GBE1: variants seen among roughly 807,000 people sequenced by gnomAD.
GBE1 encodes the protein 1,4-alpha-glucan branching enzyme 1.
Under a neutral mutation model 88.8 loss-of-function variants are expected in GBE1, and 70 were observed. The ratio of observed to expected loss-of-function variants is 0.79; its 90% CI spans 0.65 to 0.96. The LOEUF (loss-of-function observed/expected upper bound fraction) is 0.96, where lower values mean the gene tolerates loss of function less well. Ranked by LOEUF, GBE1 falls within the 40% of genes least tolerant of loss-of-function variation. GBE1 has a pLI of 0.00. For missense variants in GBE1, 872 were observed against 871.0 expected, an observed-to-expected ratio of 1.00 and a Z score of -0.01; for synonymous variants, 284 against 300.1, an observed-to-expected ratio of 0.95 and a Z score of 0.56.
chr3:81,492,520 C>A (rs886810048), intron 15 of GBE1, among the ~76,000 whole-genome samples: 3 of 152,010 alleles, frequency 2.0e-5, no homozygotes, highest in Admixed American at 1.3e-4. Context: ...CTCCCTACAT[C>A]TTAGCAAAAC....
intron 1 of GBE1, among the ~76,000 whole-genome samples, chr3:81,746,562 A>C (rs528535477): frequency 6.6e-6 from 1 of 152,348 alleles, no homozygotes; most frequent in African/African-American, 2.4e-5. Context: ...CATCTGGCCA[A>C]GAAATGAAAT....
At chr3:81,559,799 T>C (rs1294366702) in intron 12 of GBE1, among the ~76,000 whole-genome samples, 2 of 152,024 alleles carry the variant, frequency 1.3e-5, no homozygotes, top group African/African-American at 4.8e-5. Context: ...CATCAAACTC[T>C]CTTTAGAAGC....
intron 1 of GBE1, among the ~76,000 whole-genome samples, chr3:81,717,960 TTTA>T (rs1380936736): frequency 7.1e-5 from 3 of 42,354 alleles, no homozygotes; most frequent in African/African-American, 2.0e-4. Context: ...TTTTATTTTA[TTTA>T]TTTATTTATT....
At chr3:81,664,078 A>C (rs1159656317) in intron 3 of GBE1, among the ~76,000 whole-genome samples, 1 of 152,182 alleles carries the variant, frequency 6.6e-6, no homozygotes, top group African/African-American at 2.4e-5. Flanking sequence ...TTTATTTTTT[A>C]TAAGCAGAGT....
intron 2 of GBE1, 150 bp downstream of exon 2, chr3:81,705,294 C>T: frequency 1.8e-6 from 1 of 571,016 alleles, no homozygotes; most frequent in Non-Finnish European, 2.9e-6. Flanking sequence ...ATACAAAGAG[C>T]TTAATAAATT....
chr3:81,647,546 C>T (rs1213401249), intron 5 of GBE1, among the ~76,000 whole-genome samples: 1 of 151,940 alleles, frequency 6.6e-6, no homozygotes, highest in Non-Finnish European at 1.5e-5. Context: ...CTAAGAAAAA[C>T]AGGTTTTTCT....
At chr3:81,635,420 T>C (rs1293492019) in intron 7 of GBE1, among the ~76,000 whole-genome samples, 4 of 152,188 alleles carry the variant, frequency 2.6e-5, no homozygotes, top group East Asian at 3.9e-4. Context: ...ATTACTTATA[T>C]ATGGATGCTT....
intron 2 of GBE1, among the ~76,000 whole-genome samples, chr3:81,702,087 G>GAA (rs1400923485): frequency 4.6e-5 from 1 of 21,506 alleles, no homozygotes; most frequent in African/African-American, 2.6e-4. Context: ...TCCCTGGAGA[G>GAA]AGAGAGAGAG....
intron 1 of GBE1, among the ~76,000 whole-genome samples, chr3:81,749,723 A>C (rs1468577448): frequency 1.3e-5 from 2 of 152,232 alleles, no homozygotes; most frequent in East Asian, 3.9e-4. Flanking sequence ...CAGCAAACTT[A>C]GTGAAGGGTA....
At chr3:81,680,709 T>C (rs1705328551) in intron 2 of GBE1, among the ~76,000 whole-genome samples, 1 of 152,096 alleles carries the variant, frequency 6.6e-6, no homozygotes, top group African/African-American at 2.4e-5. Context: ...TGTGGTAATA[T>C]TTGGAGATAG....
chr3:81,692,730 A>G (rs1705539857), intron 2 of GBE1, among the ~76,000 whole-genome samples: 1 of 152,248 alleles, frequency 6.6e-6, no homozygotes, highest in African/African-American at 2.4e-5. Context: ...ACTGAATACA[A>G]GTTAAATACA....
intron 12 of GBE1, among the ~76,000 whole-genome samples, chr3:81,552,547 G>C: frequency 1.2e-5 from 1 of 81,156 alleles, no homozygotes; most frequent in East Asian, 3.8e-4. Context: ...AAAAAAAAAA[G>C]AAGGCTGTCA....
chr3:81,737,453 T>C (rs1395760060), intron 1 of GBE1, among the ~76,000 whole-genome samples: 2 of 128,876 alleles, frequency 1.6e-5, no homozygotes, highest in East Asian at 2.6e-4. Flanking sequence ...AAATTATATA[T>C]ATATAAAAAT....
chr3:81,704,508 CCT>C (rs1705744638), intron 2 of GBE1, among the ~76,000 whole-genome samples: 2 of 151,980 alleles, frequency 1.3e-5, no homozygotes, highest in African/African-American at 2.4e-5. Context: ...CACCCCAACC[CCT>C]GACAACAATG....
At chr3:81,586,254 C>A in intron 9 of GBE1, 64 bp from the exon 10 acceptor site, 1 of 984,574 alleles carries the variant, frequency 1.0e-6, no homozygotes, top group Non-Finnish European at 1.5e-6. Flanking sequence ...CTGTAAAGCC[C>A]AGGTCAATAA....
At chr3:81,547,477 A>T (rs189025433) in intron 12 of GBE1, among the ~76,000 whole-genome samples, 1 of 151,488 alleles carries the variant, frequency 6.6e-6, no homozygotes, top group East Asian at 1.9e-4. Flanking sequence ...GAAATTCGAT[A>T]ATTTTCCTCT....
intron 14 of GBE1, among the ~76,000 whole-genome samples, chr3:81,501,725 T>G (rs1209289307): frequency 8.4e-5 from 9 of 106,916 alleles, no homozygotes; most frequent in Admixed American, 1.3e-4. Flanking sequence ...TAAGACAGGG[T>G]CTGGCTGTCA....
rs367994473 is a variant in GBE1, at chr3:81,761,493, C to T, written c.25G>A (p.Ala9Thr). 1.2e-6 allele frequency: 2 copies of T among 1,607,858 alleles called. No homozygotes were observed. Among genetic ancestry groups the T allele is most frequent in the Non-Finnish European group, 1.7e-6 (2 of 1,177,972 alleles). ...GCCGCCTCGTAGTCCTCGGGCCGAG[C>T]CGCGGGAGTCATCGGAGCCGCCATA... MAAPMTPA[A>T]RPEDYEAALN... The change falls in exon 1 of 16, where the codon GCT becomes ACT. Residue 9 changes from alanine (A) to threonine (T), a missense_variant. Ala to Thr is a moderately conservative substitution (Grantham distance 58, BLOSUM62 0). Transcript: ENST00000429644.
intron 12 of GBE1, among the ~76,000 whole-genome samples, chr3:81,546,170 C>A (rs931635346): frequency 4.6e-5 from 7 of 151,584 alleles, no homozygotes; most frequent in East Asian, 1.9e-4. Flanking sequence ...AAGAACATAC[C>A]CCAGTGGAAA....
Sources: gnomAD v4.1 joint callset for allele counts (sites outside exome capture counted in the v4.1 genomes callset) on GRCh38, gnomAD v4.1.1 for gene constraint, MANE v1.5 for transcripts, NCBI Gene and HGNC (gene_info 2026-07-23, HGNC 2026-07-21) for gene names.